LATS2: variants seen among roughly 807,000 people sequenced by gnomAD.
LATS2 encodes the protein large tumor suppressor kinase 2, also known as serine/threonine-protein kinase LATS2.
Under a neutral mutation model 76.0 loss-of-function variants are expected in LATS2, and 24 were observed. That is an observed-to-expected ratio of 0.32 (90% CI 0.23 to 0.44). LATS2 has a LOEUF of 0.44. Among genes scored for constraint, LATS2 ranks in the 20% least tolerant of loss-of-function variants. The pLI, the probability that LATS2 is intolerant of heterozygous loss-of-function variation, is 1.00. For synonymous variants in LATS2, 692 were observed against 635.4 expected (o/e 1.09, Z -1.34); for missense variants, 1,286 against 1,481.2 (o/e 0.87, Z 2.16).
At chr13:21,017,532 T>C (rs1317861937) in intron 2 of LATS2, among the ~76,000 whole-genome samples, 2 of 152,252 alleles carry the variant, frequency 1.3e-5, no homozygotes, top group East Asian at 3.9e-4. Flanking sequence ...TACTCAAGGA[T>C]CTTACTGTGT....
chr13:21,055,792 A>G (rs1365827560), intron 1 of LATS2, among the ~76,000 whole-genome samples: 3 of 152,226 alleles, frequency 2.0e-5, no homozygotes, highest in Non-Finnish European at 4.4e-5. Context: ...CTATTATTTA[A>G]ATCATATCCC....
At chr13:21,007,699 AGTATG>A (rs1393831415) in intron 2 of LATS2, among the ~76,000 whole-genome samples, 4 of 586 alleles carry the variant, frequency 6.8e-3, no homozygotes, top group South Asian at 0.045. Flanking sequence ...ATATATATAT[AGTATG>A]TATATATATA....
chr13:21,028,139 C>G (rs1291526636), intron 2 of LATS2, among the ~76,000 whole-genome samples: 2 of 151,990 alleles, frequency 1.3e-5, no homozygotes, highest in Non-Finnish European at 2.9e-5. Context: ...TCCATGTGTT[C>G]TCATTGTTCA....
chr13:20,989,615 A>T (rs1214952613), intron 3 of LATS2, among the ~76,000 whole-genome samples: 7 of 151,928 alleles, frequency 4.6e-5, no homozygotes, highest in Admixed American at 4.6e-4. Flanking sequence ...CACTGGGGTC[A>T]CTCTCCTGTC....
At chr13:21,059,365 AGGCG>A (rs1194636317) in intron 1 of LATS2, among the ~76,000 whole-genome samples, 1 of 152,116 alleles carries the variant, frequency 6.6e-6, no homozygotes, top group African/African-American at 2.4e-5. Context: ...TGGGAGGCTG[AGGCG>A]GGCGGATCAC....
At chr13:21,050,749 C>T (rs1239899744) in intron 1 of LATS2, among the ~76,000 whole-genome samples, 1 of 152,228 alleles carries the variant, frequency 6.6e-6, no homozygotes, top group Non-Finnish European at 1.5e-5. Context: ...CTTACCATCG[C>T]CGTGCCAAAT....
intron 2 of LATS2, among the ~76,000 whole-genome samples, chr13:20,998,860 A>G (rs1324129391): frequency 6.6e-6 from 1 of 151,056 alleles, no homozygotes; most frequent in Non-Finnish European, 1.5e-5. Flanking sequence ...GCCCTGCGAC[A>G]TTGTCCACGA....
At chr13:21,037,810 TGGTCAGGACCA>T (rs1872731791) in intron 2 of LATS2, among the ~76,000 whole-genome samples, 2 of 145,330 alleles carry the variant, frequency 1.4e-5, no homozygotes, top group South Asian at 4.2e-4. Flanking sequence ...AGGGCCAGGG[TGGTCAGGACCA>T]GGGCGGGTAG....
At chr13:21,021,474 CAAAAAAAAAAAAAAAAAAAAAA>C (rs58976562) in intron 2 of LATS2, among the ~76,000 whole-genome samples, 2 of 48,372 alleles carry the variant, frequency 4.1e-5, no homozygotes, top group Non-Finnish European at 8.7e-5. Context: ...GACTCTGTCT[CAAAAAAAAAAAAAAAAAAAAAA>C]AAAAAAAAGC....
At chr13:20,981,757 A>G in intron 5 of LATS2, 109 bp from the exon 6 acceptor site, 1 of 890,584 alleles carries the variant, frequency 1.1e-6, no homozygotes, top group South Asian at 1.7e-5. Context: ...AGTCATTCCA[A>G]TCAGCTCCTG....
chr13:21,059,784 C>G (rs1873567435), intron 1 of LATS2, among the ~76,000 whole-genome samples: 1 of 152,002 alleles, frequency 6.6e-6, no homozygotes, highest in Non-Finnish European at 1.5e-5. Context: ...CTGGCCAACA[C>G]GGCGAAACCC....
At position 20,974,638 on chromosome 13, in the gene LATS2, T is replaced by C; in HGVS notation, c.*232A>G. 1 of 498,258 alleles carries C rather than the reference T, an allele frequency of 2.0e-6. No homozygotes were observed. Among genetic ancestry groups the C allele is most frequent in the Non-Finnish European group, 3.5e-6 (1 of 284,792 alleles). The allele number at this position is 498,258 out of a possible 1,614,324, so 30.9% of individuals were successfully genotyped here. ...CTAAACTGTACTAAATTTTCAAAAA[T>C]ATTGTTTTAATGCAGTGAAGGTCCT... On this transcript the variant is annotated 3_prime_UTR_variant, in exon 8 of 8. Coordinates refer to ENST00000382592, the MANE Select transcript of LATS2 (RefSeq NM_014572.3).
chr13:21,007,559 A>T (rs1247564771), intron 2 of LATS2, among the ~76,000 whole-genome samples: 1 of 16,630 alleles, frequency 6.0e-5, no homozygotes, highest in African/African-American at 7.9e-4. Context: ...ATATATATAT[A>T]TATATATATA....
In LATS2 at chr13:21,033,497, C is replaced by CT. The variant is rs912183180; in HGVS notation, c.342+12187dup. 3.3e-4 allele frequency among the ~76,000 whole-genome samples: 50 copies of CT among 151,888 alleles called. 1 individual carries two copies. Among genetic ancestry groups the CT allele is most frequent in the African/African-American group, 1.2e-3 (49 of 41,392 alleles). On this transcript the variant is annotated intron_variant, in intron 2 of 7. Transcript: ENST00000382592. ...CAGTCACAGGGTGGGGCTTCTTACT[C>CT]TAACAGTTCCAGCCTAAAATGCCAG... is the stretch of plus-strand genomic sequence containing the variant.
In LATS2 at chr13:20,988,030, T is replaced by A; in HGVS notation, c.1750A>T (p.Ser584Cys). The change falls in exon 4 of 8, where the codon AGC becomes TGC. Residue 584 changes from serine to cysteine, a missense_variant. Ser to Cys is a moderately radical substitution (Grantham distance 112). Coordinates refer to ENST00000382592, the MANE Select transcript of LATS2 (RefSeq NM_014572.3). Reference sequence around the variant, plus strand: ...GACTCTCTCTTCTCTTCGTCTCTGCTGTTTTTGCGGACGGGAACGGGAGAG... The same window carrying A: ...GACTCTCTCTTCTCTTCGTCTCTGCAGTTTTTGCGGACGGGAACGGGAGAG... ...QTSPVPVRKN[S>C]RDEEKRESRI... 1 of 1,614,284 alleles carries A rather than the reference T, an allele frequency of 6.2e-7. No individual in the cohort carries two copies. Among genetic ancestry groups the A allele is most frequent in the South Asian group, 1.1e-5 (1 of 91,088 alleles).
At chr13:21,042,164 T>A (rs1175463005) in intron 2 of LATS2, among the ~76,000 whole-genome samples, 3 of 152,196 alleles carry the variant, frequency 2.0e-5, no homozygotes, top group Non-Finnish European at 2.9e-5. Flanking sequence ...CAGGAATTTT[T>A]GTAAGTTTTC....
chr13:21,035,485 G>A (rs1166209288), intron 2 of LATS2, among the ~76,000 whole-genome samples: 3 of 152,028 alleles, frequency 2.0e-5, no homozygotes, highest in Non-Finnish European at 4.4e-5. Context: ...CCAGAACTCG[G>A]AGCCCCTCTC....
Position 21,046,081 on chromosome 13 carries a change from T to A in LATS2, c.-55A>T. On this transcript the variant is annotated 5_prime_UTR_variant, in exon 2 of 8. Coordinates refer to ENST00000382592, the MANE Select transcript of LATS2 (RefSeq NM_014572.3). ...ACAATCTTCTTAAAGTGTTTTATTA[T>A]TTAAAAAAAAAAACTGTCAATAGTA... 1 of 1,234,076 alleles carries A rather than the reference T, an allele frequency of 8.1e-7. No homozygotes were observed. The highest frequency in any genetic ancestry group is 1.1e-6 in the Non-Finnish European group (1 of 886,250). 76.4% of individuals were successfully genotyped at this position (1,234,076 alleles called of 1,614,324 possible). A position where few individuals can be genotyped will look rare whatever the true frequency, so the allele number is the denominator to read the frequency against.
intron 2 of LATS2, among the ~76,000 whole-genome samples, chr13:21,011,965 C>G (rs915758079): frequency 7.2e-5 from 11 of 152,180 alleles, no homozygotes; most frequent in Non-Finnish European, 1.6e-4. Flanking sequence ...TGATGTCTAA[C>G]AAAACCAATT....
Sources: allele counts gnomAD v4.1 joint callset (sites outside exome capture counted in the v4.1 genomes callset), GRCh38; gene constraint gnomAD v4.1.1; transcripts MANE v1.5; gene names NCBI Gene and HGNC (gene_info 2026-07-23, HGNC 2026-07-21).